NBAS: variants seen among roughly 807,000 people sequenced by gnomAD.
NBAS encodes the protein NBAS subunit of NRZ tethering complex, also known as NAG/BC035112 fusion.
Under a neutral mutation model 302.5 loss-of-function variants are expected in NBAS, and 219 were observed. The ratio of observed to expected loss-of-function variants is 0.72; its 90% CI spans 0.65 to 0.81. The LOEUF is 0.81. Among genes scored for constraint, NBAS ranks in the 30% least tolerant of loss-of-function variants. NBAS has a pLI of 0.00. For synonymous variants in NBAS, 1,118 were observed against 1,021.6 expected (o/e 1.09, Z -1.80); for missense variants, 2,932 against 2,841.6 (o/e 1.03, Z -0.72).
At chr2:15,058,185 T>C in the NBAS span, among the ~76,000 whole-genome samples, 1 of 152,176 alleles carries the variant, frequency 6.6e-6, no homozygotes, top group Non-Finnish European at 1.5e-5. Context: ...AATCGATCAG[T>C]GGTTCTCAAT....
rs982246044 is a variant in NBAS, at chr2:15,455,751, T to C, written c.2339+5450A>G. ...GTTAAGAAACCCAAGATCACAAACATAGGCAACTAGATAGTCAATGCTCTT... is the reference window on the plus strand; with the variant it reads ...GTTAAGAAACCCAAGATCACAAACACAGGCAACTAGATAGTCAATGCTCTT... On this transcript the variant is annotated intron_variant, in intron 21 of 51. Transcript: ENST00000281513. Among the ~76,000 whole-genome samples the C allele has an allele frequency of 5.3e-5, 8 of 150,628 alleles. No homozygotes were observed. The East Asian group carries it at 9.7e-4, about 18-fold the overall frequency.
intron 21 of NBAS, among the ~76,000 whole-genome samples, chr2:15,428,037 G>T (rs1372695018): frequency 6.6e-6 from 1 of 152,160 alleles, no homozygotes; most frequent in Non-Finnish European, 1.5e-5. Flanking sequence ...AGTAATTAAA[G>T]GAAGGTATGG....
chr2:15,182,408 A>C (rs766417491), intron 50 of NBAS, among the ~76,000 whole-genome samples: 13 of 152,222 alleles, frequency 8.5e-5, no homozygotes, highest in Non-Finnish European at 1.5e-4. Context: ...TTATTGCATA[A>C]CTTGACTGAT....
chr2:15,131,562 CA>C, the NBAS span, among the ~76,000 whole-genome samples: 1 of 152,074 alleles, frequency 6.6e-6, no homozygotes, highest in Non-Finnish European at 1.5e-5. Context: ...AGATGGTAAG[CA>C]TGAATTATTT....
the NBAS span, among the ~76,000 whole-genome samples, chr2:14,884,285 A>G: frequency 1.3e-5 from 2 of 152,178 alleles, no homozygotes; most frequent in Non-Finnish European, 2.9e-5. Flanking sequence ...GGACTCCAGA[A>G]ACCGGCACCA....
At chr2:14,871,927 A>C in the NBAS span, among the ~76,000 whole-genome samples, 2 of 152,180 alleles carry the variant, frequency 1.3e-5, no homozygotes. Context: ...TAAACACAAC[A>C]ATTTGTAGAC....
intron 10 of NBAS, 124 bp from the exon 11 acceptor site, chr2:15,504,337 C>T (rs974213979): frequency 4.8e-6 from 4 of 833,444 alleles, no homozygotes; most frequent in Non-Finnish European, 7.8e-6. Flanking sequence ...TAAAGAAAAT[C>T]ACCAAGAAGG....
At chr2:15,108,257 AC>A in the NBAS span, among the ~76,000 whole-genome samples, 1 of 152,128 alleles carries the variant, frequency 6.6e-6, no homozygotes, top group Non-Finnish European at 1.5e-5. Context: ...TGTGCTGGGC[AC>A]TTTTAATTTA....
the NBAS span, among the ~76,000 whole-genome samples, chr2:15,009,985 G>A: frequency 1.4e-4 from 21 of 152,196 alleles, no homozygotes; most frequent in African/African-American, 4.6e-4. Flanking sequence ...CAAACAAATC[G>A]CCTCATGGGA....
the NBAS span, among the ~76,000 whole-genome samples, chr2:15,072,678 A>C: frequency 2.0e-5 from 3 of 152,208 alleles, no homozygotes; most frequent in Non-Finnish European, 4.4e-5. Flanking sequence ...GGAAATAATA[A>C]ATATACTGGG....
chr2:14,991,829 T>C, the NBAS span, among the ~76,000 whole-genome samples: 20 of 152,214 alleles, frequency 1.3e-4, no homozygotes, highest in African/African-American at 4.8e-4. Flanking sequence ...AGCACTGTTC[T>C]AGACAGATTT....
rs373061877 is a variant in NBAS, at chr2:15,561,208, G to C, written c.97C>G (p.Pro33Ala). ...TTCACCTGTACTTCAGTCTCCGGTGGCCACTCGGTGTTGACCAACAAGTCA... is the reference window on the plus strand; with the variant it reads ...TTCACCTGTACTTCAGTCTCCGGTGCCCACTCGGTGTTGACCAACAAGTCA... ...LYDLLVNTEW[P>A]PETEVQPRGN... The change falls in exon 1 of 52, where the codon CCA becomes GCA. Residue 33 changes from proline to alanine, a missense_variant. Physicochemically the swap from Pro to Ala is conservative, Grantham distance 27 (BLOSUM62 -1). Coordinates refer to ENST00000281513, the MANE Select transcript of NBAS (RefSeq NM_015909.4). 2.5e-6 allele frequency: 4 copies of C among 1,613,826 alleles called. No homozygotes were observed. The highest frequency in any genetic ancestry group is 3.4e-6 in the Non-Finnish European group (4 of 1,179,996).
intron 45 of NBAS, among the ~76,000 whole-genome samples, chr2:15,236,153 T>C (rs563140358): frequency 6.6e-6 from 1 of 152,294 alleles, no homozygotes; most frequent in East Asian, 1.9e-4. Context: ...ATAGTCTGAC[T>C]GAACGGTACT....
chr2:15,400,094 C>A (rs1416478332), intron 26 of NBAS, among the ~76,000 whole-genome samples: 1 of 151,756 alleles, frequency 6.6e-6, no homozygotes, highest in Non-Finnish European at 1.5e-5. Context: ...GAAAGGAAAA[C>A]CAAGAAATGC....
the NBAS span, among the ~76,000 whole-genome samples, chr2:15,035,157 C>T: frequency 2.1e-5 from 3 of 145,752 alleles, no homozygotes; most frequent in Non-Finnish European, 3.0e-5. Context: ...ACAAACAATG[C>T]TGCAGTGAAA....
At chr2:15,304,059 T>C (rs1264288706) in intron 40 of NBAS, among the ~76,000 whole-genome samples, 3 of 152,150 alleles carry the variant, frequency 2.0e-5, no homozygotes, top group Non-Finnish European at 2.9e-5. Flanking sequence ...AGCTGACTGA[T>C]GGAGTGGCTG....
intron 51 of NBAS, among the ~76,000 whole-genome samples, chr2:15,172,137 C>A (rs943837937): frequency 7.2e-5 from 11 of 152,202 alleles, no homozygotes; most frequent in Admixed American, 5.9e-4. Flanking sequence ...GCATCAGTGT[C>A]ACATCACGAA....
chr2:15,447,712 G>A (rs79502307), intron 21 of NBAS, among the ~76,000 whole-genome samples: 1,933 of 152,148 alleles, frequency 0.013, 31 homozygotes, highest in East Asian at 0.06. Flanking sequence ...TGGAAACTCA[G>A]GTACCTCACA....
At chr2:15,531,350 G>A (rs1031589412) in intron 9 of NBAS, among the ~76,000 whole-genome samples, 2 of 152,124 alleles carry the variant, frequency 1.3e-5, no homozygotes, top group Non-Finnish European at 2.9e-5. Flanking sequence ...GAGTAGATCA[G>A]AAAGTTCTGA....
Sources: allele counts gnomAD v4.1 joint callset (sites outside exome capture counted in the v4.1 genomes callset), GRCh38; gene constraint gnomAD v4.1.1; transcripts MANE v1.5; gene names NCBI Gene and HGNC (gene_info 2026-07-23, HGNC 2026-07-21).